GALNTL6: variants seen among roughly 807,000 people sequenced by gnomAD.
GALNTL6 encodes polypeptide N-acetylgalactosaminyltransferase like 6, also known as polypeptide N-acetylgalactosaminyltransferase-like 6.
A neutral mutation model predicts 73.7 loss-of-function variants in GALNTL6; 46 were observed. The observed-to-expected ratio is 0.62, with a 90% CI of 0.49 to 0.80. The LOEUF is 0.80. GALNTL6 is among the 30% of genes least tolerant of loss of function. The pLI is 0.00. For synonymous variants in GALNTL6, 259 were observed against 263.7 expected (o/e 0.98, Z 0.17); for missense variants, 604 against 755.0 (o/e 0.80, Z 2.34).
intron 5 of GALNTL6, among the ~76,000 whole-genome samples, chr4:172,385,607 TGTATA>T (rs1264927415): frequency 6.6e-6 from 1 of 152,064 alleles, no homozygotes; most frequent in African/African-American, 2.4e-5. Flanking sequence ...AGTTACTGTT[TGTATA>T]GTATATCTCA....
intron 5 of GALNTL6, among the ~76,000 whole-genome samples, chr4:172,433,702 T>A (rs1731540829): frequency 6.8e-6 from 1 of 147,248 alleles, no homozygotes. Context: ...GCCCAGTGAT[T>A]TTTTTTTTCT....
chr4:172,690,545 G>A (rs1389300354), intron 5 of GALNTL6, among the ~76,000 whole-genome samples: 10 of 152,138 alleles, frequency 6.6e-5, no homozygotes. Flanking sequence ...TGGCCATAAA[G>A]TGCTATGACA....
intron 4 of GALNTL6, among the ~76,000 whole-genome samples, chr4:172,321,001 C>G (rs1166452712): frequency 6.6e-6 from 1 of 152,146 alleles, no homozygotes; most frequent in South Asian, 2.1e-4. Flanking sequence ...TAAGTGAGGA[C>G]AGTACAATAA....
chr4:171,994,625 A>G (rs1202449030), intron 2 of GALNTL6, among the ~76,000 whole-genome samples: 1 of 152,084 alleles, frequency 6.6e-6, no homozygotes, highest in Non-Finnish European at 1.5e-5. Flanking sequence ...TAAAGAACGT[A>G]TCCATGTAAC....
chr4:172,426,511 G>A (rs939491399), intron 5 of GALNTL6, among the ~76,000 whole-genome samples: 6 of 152,084 alleles, frequency 3.9e-5, no homozygotes, highest in Non-Finnish European at 8.8e-5. Context: ...ATTTTAAAAT[G>A]CCATTCCATT....
intron 2 of GALNTL6, among the ~76,000 whole-genome samples, chr4:172,001,266 T>C (rs1740663345): frequency 6.6e-6 from 1 of 152,186 alleles, no homozygotes; most frequent in South Asian, 2.1e-4. Context: ...ATACTTTCAG[T>C]GTAAACTGGA....
intron 10 of GALNTL6, among the ~76,000 whole-genome samples, chr4:172,982,088 C>A (rs900970209): frequency 7.2e-5 from 11 of 152,192 alleles, no homozygotes; most frequent in African/African-American, 2.7e-4. Flanking sequence ...AACCACCGCA[C>A]CCGGCCAAAC....
intron 8 of GALNTL6, among the ~76,000 whole-genome samples, chr4:172,906,395 C>T (rs1028744601): frequency 2.0e-5 from 3 of 152,044 alleles, no homozygotes; most frequent in Non-Finnish European, 4.4e-5. Flanking sequence ...GCAAACTGAC[C>T]TTCAAAAAGA....
intron 2 of GALNTL6, among the ~76,000 whole-genome samples, chr4:172,137,245 A>G (rs1733662292): frequency 6.6e-6 from 1 of 152,130 alleles, no homozygotes; most frequent in Non-Finnish European, 1.5e-5. Context: ...TCTTCTTTTT[A>G]ACTTTGTAAA....
chr4:172,355,870 G>A (rs1247921041), intron 5 of GALNTL6, among the ~76,000 whole-genome samples: 2 of 152,090 alleles, frequency 1.3e-5, no homozygotes, highest in African/African-American at 4.8e-5. Flanking sequence ...GGACATTAAT[G>A]GTTGACTTTG....
chr4:171,835,700 G>C (rs1735079325), intron 2 of GALNTL6, among the ~76,000 whole-genome samples: 1 of 151,792 alleles, frequency 6.6e-6, no homozygotes, highest in African/African-American at 2.4e-5. Context: ...TAATAAATAA[G>C]AGCTTAAATT....
At chr4:172,179,325 C>T (rs369459477) in intron 2 of GALNTL6, among the ~76,000 whole-genome samples, 2 of 150,466 alleles carry the variant, frequency 1.3e-5, no homozygotes, top group Admixed American at 6.6e-5. Flanking sequence ...CTGTTGTTTC[C>T]TGACTTTTTA....
chr4:172,943,020 A>C (rs1748990221), intron 9 of GALNTL6, among the ~76,000 whole-genome samples: 1 of 152,122 alleles, frequency 6.6e-6, no homozygotes. Context: ...CCTCACACCC[A>C]GCCAAAACAA....
At chr4:171,957,416 T>A (rs1351094329) in intron 2 of GALNTL6, among the ~76,000 whole-genome samples, 1 of 152,164 alleles carries the variant, frequency 6.6e-6, no homozygotes, top group Non-Finnish European at 1.5e-5. Flanking sequence ...CTCACTTTGG[T>A]CCCTGGTAAA....
intron 5 of GALNTL6, among the ~76,000 whole-genome samples, chr4:172,536,405 C>A (rs573264619): frequency 6.6e-6 from 1 of 152,252 alleles, no homozygotes; most frequent in Non-Finnish European, 1.5e-5. Context: ...TTCCTAGAGA[C>A]TTGTTTAATG....
intron 5 of GALNTL6, among the ~76,000 whole-genome samples, chr4:172,766,954 G>A (rs1194393765): frequency 1.3e-5 from 2 of 152,192 alleles, no homozygotes; most frequent in Non-Finnish European, 2.9e-5. Flanking sequence ...CTATTTTGCT[G>A]GTGGGGCATT....
intron 2 of GALNTL6, among the ~76,000 whole-genome samples, chr4:171,988,581 A>G (rs1306364835): frequency 6.6e-6 from 1 of 152,176 alleles, no homozygotes; most frequent in Non-Finnish European, 1.5e-5. Context: ...TGGGTTTGGC[A>G]CCACGGGGTG....
intron 8 of GALNTL6, among the ~76,000 whole-genome samples, chr4:172,887,546 T>G (rs1030362409): frequency 7.1e-6 from 1 of 140,148 alleles, no homozygotes; most frequent in Admixed American, 6.9e-5. Flanking sequence ...TTTTATTTAT[T>G]TATTTATTTA....
Position 171,996,775 on chromosome 4 carries a change from T to C in GALNTL6, c.138+182057T>C, listed in dbSNP as rs986101312. On this transcript the variant is annotated intron_variant, in intron 2 of 12. Transcript: ENST00000506823. ...GTGTCTTAAGAAAGTCTACCCACTA[T>C]GTGTTGGGCTGCATTCAAAGCTGTC... Among the ~76,000 whole-genome samples, 16 of 150,520 alleles carry C rather than the reference T, an allele frequency of 1.1e-4. 1 individual carries two copies. The highest frequency in any genetic ancestry group is 4.6e-4 in the Admixed American group (7 of 15,080).
Sources: allele counts gnomAD v4.1 joint callset (sites outside exome capture counted in the v4.1 genomes callset), GRCh38; gene constraint gnomAD v4.1.1; transcripts MANE v1.5; gene names NCBI Gene and HGNC (gene_info 2026-07-23, HGNC 2026-07-21).